The following KCNK5 variants were observed in gnomAD, a reference collection of about 807,000 sequenced individuals.
The protein encoded by KCNK5 is potassium channel subfamily K member 5.
In KCNK5, 18 loss-of-function variants were observed where a neutral mutation model predicts 32.9. The ratio of observed to expected loss-of-function variants is 0.55; its 90% CI spans 0.38 to 0.81. The LOEUF (loss-of-function observed/expected upper bound fraction) is 0.81. Ranked by LOEUF, KCNK5 falls within the 30% of genes least tolerant of loss-of-function variation. The pLI is 0.00. For missense variants in KCNK5, 507 were observed against 651.0 expected (o/e 0.78, Z 2.41); for synonymous variants, 276 against 275.3 (o/e 1.00, Z -0.03).
At chr6:39,214,772 C>T (rs1462586865) in intron 1 of KCNK5, among the ~76,000 whole-genome samples, 1 of 152,114 alleles carries the variant, frequency 6.6e-6, no homozygotes, top group African/African-American at 2.4e-5. Flanking sequence ...ACCCCCAGGC[C>T]AGGGTCAGGG....
At chr6:39,219,111 G>A (rs1335637030) in intron 1 of KCNK5, among the ~76,000 whole-genome samples, 1 of 152,190 alleles carries the variant, frequency 6.6e-6, no homozygotes, top group Non-Finnish European at 1.5e-5. Context: ...ACCAAGGGCA[G>A]ACCTGCTCAG....
chr6:39,214,624 C>T (rs73731725), intron 1 of KCNK5, among the ~76,000 whole-genome samples: 3,981 of 152,194 alleles, frequency 0.026, 112 homozygotes, highest in African/African-American at 0.069. Flanking sequence ...TGCTAGGTTT[C>T]GGATCCAATC....
intron 1 of KCNK5, among the ~76,000 whole-genome samples, chr6:39,215,964 C>T (rs1287155930): frequency 6.6e-6 from 1 of 152,204 alleles, no homozygotes; most frequent in Non-Finnish European, 1.5e-5. Context: ...GTGGCAGCCA[C>T]TTATATAGCC....
At chr6:39,199,144 A>C (rs2113782560) in intron 1 of KCNK5, among the ~76,000 whole-genome samples, 1 of 152,304 alleles carries the variant, frequency 6.6e-6, no homozygotes, top group African/African-American at 2.4e-5. Flanking sequence ...GGGGCTAGAG[A>C]TGCTAAATGC....
rs147681234 is a variant in KCNK5 at position 39,191,265 on chromosome 6, C to T, written c.1125G>A (p.Glu375=). ...TGTCTTCAGGGGCCCGTGCCACAGC[C>T]TCCTCATCTGGGGACCTTGATACGT... The part of the protein sequence containing the change: ...KGHVSRSPDE[E]AVARAPEDSS... Residue 375 remains glutamate, a synonymous_variant, in exon 5 of 5, where the codon GAG becomes GAA. Transcript: ENST00000359534. The surrounding 1 kb of genome is among the most constrained non-coding windows in gnomAD (Gnocchi z 5.8). 4.6e-4 allele frequency: 748 copies of T among 1,614,096 alleles called. 5 individuals carry two copies. The African/African-American group carries it at 8.6e-3, about 19-fold the overall frequency.
chr6:39,202,768 C>T (rs1771152366), intron 1 of KCNK5, among the ~76,000 whole-genome samples: 1 of 152,110 alleles, frequency 6.6e-6, no homozygotes, highest in South Asian at 2.1e-4. Context: ...CTCTGCAGCT[C>T]AGGTTTAGCT....
intron 4 of KCNK5, among the ~76,000 whole-genome samples, chr6:39,192,588 C>T (rs190773558): frequency 1.2e-4 from 19 of 152,272 alleles, no homozygotes; most frequent in East Asian, 5.8e-4. Context: ...AAGCACCCAC[C>T]GTGGCAAGAA....
At chr6:39,201,696 C>T (rs951505970) in intron 1 of KCNK5, among the ~76,000 whole-genome samples, 1 of 152,194 alleles carries the variant, frequency 6.6e-6, no homozygotes, top group African/African-American at 2.4e-5. Flanking sequence ...TCTCACCTCC[C>T]TTCCCAGCAA....
intron 1 of KCNK5, among the ~76,000 whole-genome samples, chr6:39,214,539 G>A (rs1771395876): frequency 6.6e-6 from 1 of 152,220 alleles, no homozygotes; most frequent in South Asian, 2.1e-4. Context: ...GGGCTGTTGG[G>A]AGACAGGACA....
intron 1 of KCNK5, among the ~76,000 whole-genome samples, chr6:39,207,833 G>T (rs556425586): frequency 1.3e-4 from 20 of 152,192 alleles, no homozygotes; most frequent in Admixed American, 9.8e-4. Flanking sequence ...CCTGCCCTGG[G>T]CCCCCTTGCC....
At chr6:39,213,214 G>A in intron 1 of KCNK5, among the ~76,000 whole-genome samples, 1 of 152,204 alleles carries the variant, frequency 6.6e-6, no homozygotes, top group Non-Finnish European at 1.5e-5. Context: ...GTGTGGAAGT[G>A]GGTAATGGTA....
rs113138749 is a variant in KCNK5 at position 39,229,312 on chromosome 6, G to C, written c.-201C>G. ...CCCACGGAGTGCGGGGAGCTGCGTG[G>C]GGCCCCACTCACGCGGCCCGGGGTG... On this transcript the variant is annotated 5_prime_UTR_variant, in exon 1 of 5. Transcript: ENST00000359534. 6 of 647,442 alleles carry C rather than the reference G, an allele frequency of 9.3e-6. No individual in the cohort carries two copies. The highest frequency in any genetic ancestry group is 1.3e-5 in the Non-Finnish European group (5 of 384,252). 40.1% of individuals were successfully genotyped at this position (647,442 alleles called of 1,614,324 possible).
intron 1 of KCNK5, among the ~76,000 whole-genome samples, chr6:39,201,976 G>C (rs573968751): frequency 6.6e-6 from 1 of 152,302 alleles, no homozygotes; most frequent in East Asian, 1.9e-4. Flanking sequence ...AGAGACGGGG[G>C]TGAAAGGCAT....
At position 39,229,363 on chromosome 6, in the gene KCNK5, G is replaced by T. The variant is rs1365995158; in HGVS notation, c.-252C>A. 1.8e-6 allele frequency: 1 copy of T among 551,146 alleles called. No individual in the cohort carries two copies. Among genetic ancestry groups the T allele is most frequent in the African/African-American group, 1.9e-5 (1 of 52,958 alleles). The allele number at this position is 551,146 out of a possible 1,614,324, so 34.1% of individuals were successfully genotyped here. A position where few individuals can be genotyped will look rare whatever the true frequency, so the allele number is the denominator to read the frequency against. Reference sequence around the variant, plus strand: ...GGCGAACACCAGCGGGGCTGAAAGGGCGCCCTGGACCGCGGATGCGTAAGG... The same window carrying T: ...GGCGAACACCAGCGGGGCTGAAAGGTCGCCCTGGACCGCGGATGCGTAAGG... On this transcript the variant is annotated 5_prime_UTR_variant, in exon 1 of 5. Coordinates refer to ENST00000359534, the MANE Select transcript of KCNK5 (RefSeq NM_003740.4).
intron 1 of KCNK5, among the ~76,000 whole-genome samples, chr6:39,206,063 C>T (rs1197599737): frequency 1.3e-5 from 2 of 152,208 alleles, no homozygotes; most frequent in Non-Finnish European, 1.5e-5. Context: ...ACACTATTCC[C>T]ATTCTGTAGA....
rs776669545 is a variant in KCNK5 at position 39,191,198 on chromosome 6, T to A, written c.1192A>T (p.Ile398Phe). ...TCCCATGGCTCGCATTCCTCGCTGATGCGGTCCAGCTGGTTCATGAACACC... is the reference window on the plus strand; with the variant it reads ...TCCCATGGCTCGCATTCCTCGCTGAAGCGGTCCAGCTGGTTCATGAACACC... ...PEVFMNQLDR[I>F]SEECEPWDAQ... The change falls in exon 5 of 5, where the codon ATC (isoleucine) becomes TTC (phenylalanine). Residue 398 changes from isoleucine to phenylalanine, a missense_variant. Physicochemically the swap from Ile to Phe is conservative, Grantham distance 21. Coordinates refer to ENST00000359534, the MANE Select transcript of KCNK5 (RefSeq NM_003740.4). The surrounding 1 kb of genome is among the most constrained non-coding windows in gnomAD (Gnocchi z 5.8). The A allele has an allele frequency of 6.2e-7, 1 of 1,614,216 alleles. No individual in the cohort carries two copies. Among genetic ancestry groups the A allele is most frequent in the Non-Finnish European group, 8.5e-7 (1 of 1,180,046 alleles).
chr6:39,206,430 G>T, intron 1 of KCNK5, among the ~76,000 whole-genome samples: 1 of 152,320 alleles, frequency 6.6e-6, no homozygotes, highest in East Asian at 1.9e-4. Context: ...GCTACAGGAA[G>T]CCACCAGCCA....
At chr6:39,213,054 C>T (rs1012406174) in intron 1 of KCNK5, among the ~76,000 whole-genome samples, 5 of 152,174 alleles carry the variant, frequency 3.3e-5, no homozygotes, top group African/African-American at 1.2e-4. Context: ...CCCAGATCTG[C>T]AGTGCTCAAG....
In KCNK5 at chr6:39,217,118, CA is replaced by C. The variant is rs57204833; in HGVS notation, c.186+11807del. 4.9e-3 allele frequency among the ~76,000 whole-genome samples: 367 copies of C among 74,386 alleles called. 2 individuals are homozygous for C. The highest frequency in any genetic ancestry group is 0.038 in the East Asian group (79 of 2,060). The allele number at this position is 74,386 out of a possible 152,430, so 48.8% of individuals were successfully genotyped here. ...CTGGGCAACAAGAGCAAAACTCCAT[CA>C]AAAAAAAAAAAAAAAAAAAAAAAAG... is the stretch of plus-strand genomic sequence containing the variant. On this transcript the variant is annotated intron_variant, in intron 1 of 4. Coordinates refer to ENST00000359534, the MANE Select transcript of KCNK5 (RefSeq NM_003740.4).
Sources: gnomAD v4.1 joint callset for allele counts (sites outside exome capture counted in the v4.1 genomes callset) on GRCh38, gnomAD v4.1.1 for gene constraint, Gnocchi (gnomAD v3.1) non-coding constraint, MANE v1.5 for transcripts, NCBI Gene and HGNC (gene_info 2026-07-23, HGNC 2026-07-21) for gene names.